RECK: variants seen among roughly 807,000 people sequenced by gnomAD.
RECK encodes reversion inducing cysteine rich protein with kazal motifs.
Under a neutral mutation model 115.1 loss-of-function variants are expected in RECK, and 69 were observed. The ratio of observed to expected loss-of-function variants is 0.60; its 90% confidence interval spans 0.49 to 0.73. The LOEUF (loss-of-function observed/expected upper bound fraction) is 0.73, where lower values mean the gene tolerates loss of function less well. RECK is among the 30% of genes least tolerant of loss of function. The pLI is 0.00. For missense variants in RECK, 1,047 were observed against 1,203.7 expected (o/e 0.87, Z 1.93); for synonymous variants, 414 against 419.7 (o/e 0.99, Z 0.17).
At chr9:36,078,452 C>A (rs953510335) in intron 6 of RECK, among the ~76,000 whole-genome samples, 3 of 152,168 alleles carry the variant, frequency 2.0e-5, no homozygotes, top group South Asian at 2.1e-4. Flanking sequence ...GCATTTTGGT[C>A]TGGATAATCT....
At chr9:36,097,780 A>G (rs1296699662) in intron 10 of RECK, among the ~76,000 whole-genome samples, 3 of 152,230 alleles carry the variant, frequency 2.0e-5, no homozygotes, top group Non-Finnish European at 4.4e-5. Flanking sequence ...ATCAACCTGT[A>G]TTCATCAATG....
At chr9:36,108,264 A>G (rs1823899253) in intron 14 of RECK, 100 bp downstream of exon 14, 5 of 856,586 alleles carry the variant, frequency 5.8e-6, no homozygotes, top group Non-Finnish European at 8.8e-6. Context: ...TAAGGTCTGC[A>G]TATCAGATAC....
intron 11 of RECK, among the ~76,000 whole-genome samples, chr9:36,101,041 A>G (rs754595399): frequency 1.3e-5 from 2 of 151,488 alleles, no homozygotes; most frequent in Non-Finnish European, 1.5e-5. Context: ...ACCTCAGCTC[A>G]CTGCAACCTC....
At chr9:36,097,914 T>C (rs1405628910) in intron 10 of RECK, among the ~76,000 whole-genome samples, 1 of 152,024 alleles carries the variant, frequency 6.6e-6, no homozygotes, top group African/African-American at 2.4e-5. Flanking sequence ...CTAAATAAAA[T>C]AAGCCAGGCA....
intron 1 of RECK, among the ~76,000 whole-genome samples, chr9:36,049,323 C>T (rs554693202): frequency 2.0e-5 from 3 of 152,212 alleles, no homozygotes; most frequent in African/African-American, 7.2e-5. Flanking sequence ...GTTGGGAGAT[C>T]AGGTTGATAC....
intron 8 of RECK, among the ~76,000 whole-genome samples, chr9:36,086,647 G>A (rs1172174376): frequency 6.6e-6 from 1 of 152,046 alleles, no homozygotes; most frequent in East Asian, 1.9e-4. Context: ...TGATTGGTCC[G>A]TTTTACAGAG....
At chr9:36,085,389 C>T (rs916138200) in intron 8 of RECK, 6 of 155,694 alleles carry the variant, frequency 3.9e-5, no homozygotes, top group African/African-American at 1.4e-4. Flanking sequence ...ACCAAACTGA[C>T]CAAAGACTGA....
rs182693623 is a variant in RECK at position 36,115,752 on chromosome 9, T to C, written c.2061-1233T>C. Among the ~76,000 whole-genome samples the C allele has an allele frequency of 5.9e-3, 902 of 152,324 alleles. 6 individuals carry two copies. The highest frequency in any genetic ancestry group is 7.1e-3 in the Non-Finnish European group (481 of 68,024). ...TTAGCCCTAAAAAGAGTATAAATCATTTCCTTTGAAATTAAAATAACACTA... is the reference window on the plus strand; with the variant it reads ...TTAGCCCTAAAAAGAGTATAAATCACTTCCTTTGAAATTAAAATAACACTA... On this transcript the variant is annotated intron_variant, in intron 16 of 20. Coordinates refer to ENST00000377966, the MANE Select transcript of RECK (RefSeq NM_021111.3).
chr9:36,109,894 G>A, intron 14 of RECK, 63 bp from the exon 15 acceptor site: 2 of 1,369,842 alleles, frequency 1.5e-6, no homozygotes, highest in Non-Finnish European at 2.0e-6. Flanking sequence ...TATTAAAATT[G>A]TAATACGTGC....
At chr9:36,037,807 G>A (rs1317656573) in intron 1 of RECK, among the ~76,000 whole-genome samples, 2 of 151,936 alleles carry the variant, frequency 1.3e-5, no homozygotes, top group Non-Finnish European at 2.9e-5. Flanking sequence ...GAAGTAACTC[G>A]AATTCAAGGC....
chr9:36,104,309 T>C, intron 12 of RECK, among the ~76,000 whole-genome samples: 2 of 66,716 alleles, frequency 3.0e-5, no homozygotes, highest in South Asian at 1.1e-3. Context: ...TATATATATA[T>C]ATATATATAT....
intron 17 of RECK, among the ~76,000 whole-genome samples, chr9:36,118,096 C>T (rs987732593): frequency 6.6e-6 from 1 of 152,238 alleles, no homozygotes; most frequent in Non-Finnish European, 1.5e-5. Context: ...CTGCCCACAA[C>T]CAGCTAACAC....
chr9:36,037,721 G>T (rs1388437695), intron 1 of RECK, among the ~76,000 whole-genome samples: 1 of 151,880 alleles, frequency 6.6e-6, no homozygotes, highest in East Asian at 1.9e-4. Context: ...CTTCCCGCTT[G>T]CTGGCCTTTT....
At chr9:36,069,237 G>T in intron 6 of RECK, among the ~76,000 whole-genome samples, 1 of 151,954 alleles carries the variant, frequency 6.6e-6, no homozygotes, top group Non-Finnish European at 1.5e-5. Flanking sequence ...AAATAAAATA[G>T]GCTTACAAAT....
intron 6 of RECK, among the ~76,000 whole-genome samples, chr9:36,079,736 A>G (rs1177946996): frequency 2.6e-5 from 4 of 152,184 alleles, no homozygotes. Context: ...ATTTATGCCC[A>G]TATTATTTCT....
chr9:36,049,275 G>A (rs1012504782), intron 1 of RECK, among the ~76,000 whole-genome samples: 3 of 152,064 alleles, frequency 2.0e-5, no homozygotes, highest in Admixed American at 2.0e-4. Flanking sequence ...TGGTCATATG[G>A]TTGAGATCAA....
At chr9:36,047,435 C>G (rs1246922260) in intron 1 of RECK, among the ~76,000 whole-genome samples, 1 of 151,910 alleles carries the variant, frequency 6.6e-6, no homozygotes, top group East Asian at 1.9e-4. Flanking sequence ...ATGGCAAAAC[C>G]CCATCTCTAC....
In RECK at chr9:36,049,303, A is replaced by G. The variant is rs142514914; in HGVS notation, c.101-2962A>G. 6.3e-3 allele frequency among the ~76,000 whole-genome samples: 952 copies of G among 152,180 alleles called. 10 individuals carry two copies. Among genetic ancestry groups the G allele is most frequent in the African/African-American group, 0.021 (885 of 41,484 alleles). On this transcript the variant is annotated intron_variant, in intron 1 of 20. Coordinates refer to ENST00000377966, the MANE Select transcript of RECK (RefSeq NM_021111.3). ...GAGATCAATCTGCAATCCCCCTTCA[A>G]TCCCTGGAAGTTGGGAGATCAGGTT...
chr9:36,039,738 A>G (rs1820803861), intron 1 of RECK, among the ~76,000 whole-genome samples: 1 of 152,240 alleles, frequency 6.6e-6, no homozygotes, highest in South Asian at 2.1e-4. Flanking sequence ...GAATTAGGTA[A>G]TAGTAAACCT....
Sources: gnomAD v4.1 joint callset for allele counts (sites outside exome capture counted in the v4.1 genomes callset) on GRCh38, gnomAD v4.1.1 for gene constraint, MANE v1.5 for transcripts, NCBI Gene and HGNC (gene_info 2026-07-23, HGNC 2026-07-21) for gene names.